Variants in SLC39A12 observed in about 807,000 individuals in gnomAD.
SLC39A12 encodes zinc transporter ZIP12.
SLC39A12 carries 63 observed loss-of-function variants against 71.1 expected under a neutral mutation model. That is an observed-to-expected ratio of 0.89 (90% CI 0.72 to 1.09). The LOEUF is 1.09. Among genes scored for constraint, SLC39A12 ranks in the 50% least tolerant of loss-of-function variants. The pLI, the probability that SLC39A12 is intolerant of heterozygous loss-of-function variation, is 0.00. For missense variants in SLC39A12, 892 were observed against 812.6 expected, an observed-to-expected ratio of 1.10 and a Z score of -1.19; for synonymous variants, 351 against 301.3, an observed-to-expected ratio of 1.16 and a Z score of -1.71.
At chr10:17,966,192 A>T (rs960289226) in intron 4 of SLC39A12, among the ~76,000 whole-genome samples, 1 of 152,186 alleles carries the variant, frequency 6.6e-6, no homozygotes, top group African/African-American at 2.4e-5. Flanking sequence ...ATGAAATAGG[A>T]TGTCAGAACT....
intron 12 of SLC39A12, among the ~76,000 whole-genome samples, chr10:18,036,880 A>C (rs1453738532): frequency 6.8e-6 from 1 of 147,226 alleles, no homozygotes; most frequent in Non-Finnish European, 1.5e-5. Flanking sequence ...TCCGCCTCCC[A>C]GGTTTAAACG....
intron 4 of SLC39A12, among the ~76,000 whole-genome samples, chr10:17,967,010 A>T (rs1367159526): frequency 6.6e-6 from 1 of 152,168 alleles, no homozygotes; most frequent in Admixed American, 6.5e-5. Flanking sequence ...ATGTTTTCAT[A>T]ATTTAAAAAA....
At chr10:18,013,813 T>A (rs1421438833) in intron 12 of SLC39A12, among the ~76,000 whole-genome samples, 1 of 152,220 alleles carries the variant, frequency 6.6e-6, no homozygotes, top group Non-Finnish European at 1.5e-5. Flanking sequence ...CTCCATTCTC[T>A]TCTCTTGGTC....
At chr10:17,958,880 C>T (rs1352403346) in intron 2 of SLC39A12, among the ~76,000 whole-genome samples, 3 of 152,002 alleles carry the variant, frequency 2.0e-5, no homozygotes, top group Non-Finnish European at 4.4e-5. Context: ...ATTACATAGG[C>T]TGGAGACATT....
chr10:18,000,366 G>A (rs1338862743), intron 10 of SLC39A12, among the ~76,000 whole-genome samples: 2 of 152,166 alleles, frequency 1.3e-5, no homozygotes, highest in Non-Finnish European at 2.9e-5. Context: ...ACTTGGGGAG[G>A]CTATAACATG....
chr10:18,029,248 A>G (rs1055092575), intron 12 of SLC39A12, among the ~76,000 whole-genome samples: 1 of 152,192 alleles, frequency 6.6e-6, no homozygotes, highest in Non-Finnish European at 1.5e-5. Context: ...GCAGTTTTCA[A>G]TTAGGTAACA....
intron 12 of SLC39A12, among the ~76,000 whole-genome samples, chr10:18,040,786 A>AAAAAG (rs1837202929): frequency 6.6e-6 from 1 of 151,402 alleles, no homozygotes. Flanking sequence ...AAAAAAAAAA[A>AAAAAG]GTGTCAAGCC....
chr10:17,967,384 G>T (rs770583771), intron 4 of SLC39A12, among the ~76,000 whole-genome samples: 5 of 152,024 alleles, frequency 3.3e-5, no homozygotes, highest in Non-Finnish European at 5.9e-5. Flanking sequence ...TAATTATTTA[G>T]GGCTTATAAA....
At chr10:18,032,568 C>G (rs1836879794) in intron 12 of SLC39A12, among the ~76,000 whole-genome samples, 1 of 146,714 alleles carries the variant, frequency 6.8e-6, no homozygotes, top group Admixed American at 6.8e-5. Context: ...ATGGGGTTTT[C>G]TAGATATACA....
intron 8 of SLC39A12, among the ~76,000 whole-genome samples, chr10:17,992,464 G>A (rs550461871): frequency 2.1e-4 from 32 of 152,282 alleles, no homozygotes; most frequent in African/African-American, 7.5e-4. Flanking sequence ...TGGTAATTTG[G>A]AAATTAGGAA....
intron 9 of SLC39A12, among the ~76,000 whole-genome samples, chr10:17,994,030 G>T (rs1184983410): frequency 1.3e-5 from 2 of 152,184 alleles, no homozygotes; most frequent in Non-Finnish European, 2.9e-5. Context: ...TTTGGGAGTA[G>T]ATTTCAGATC....
intron 12 of SLC39A12, among the ~76,000 whole-genome samples, chr10:18,025,000 A>G (rs1836635161): frequency 6.6e-6 from 1 of 152,172 alleles, no homozygotes; most frequent in Non-Finnish European, 1.5e-5. Flanking sequence ...TTTCTTGTAG[A>G]TGGCAAGTAG....
chr10:17,961,515 T>C (rs1834687687), intron 2 of SLC39A12, 66 bp from the exon 3 acceptor site: 1 of 1,464,238 alleles, frequency 6.8e-7, no homozygotes, highest in Admixed American at 2.1e-5. Context: ...CTGGTGGTCA[T>C]TAGTGTTCTG....
Position 18,043,005 on chromosome 10 carries a change from T to A in SLC39A12, c.*172T>A. On this transcript the variant is annotated 3_prime_UTR_variant, in exon 13 of 13. Transcript: ENST00000377369. ...ATGCAGTTTTATTTTTGGAAACATA[T>A]AAATATCAGACTGTCCTTAATTGAA... The A allele has an allele frequency of 2.2e-6, 1 of 446,782 alleles. No individual in the cohort carries two copies. The highest frequency in any genetic ancestry group is 3.6e-6 in the Non-Finnish European group (1 of 279,344). The allele number at this position is 446,782 out of a possible 1,614,324, so 27.7% of individuals were successfully genotyped here.
chr10:17,961,750 T>C lies in SLC39A12; in HGVS notation c.431T>C (p.Leu144Pro). 1 of 1,614,120 alleles carries C rather than the reference T, an allele frequency of 6.2e-7. No homozygotes were observed. Among genetic ancestry groups the C allele is most frequent in the Non-Finnish European group, 8.5e-7 (1 of 1,179,964 alleles). ...NMSNKEYKFYLHSLLSLRQDE... is the reference protein window; with the variant it reads ...NMSNKEYKFYPHSLLSLRQDE... ...AGTAATAAAGAGTATAAATTTTACC[T>C]ACACAGCCTACTGAGCCTCAGGCAG... The change falls in exon 3 of 13, where the codon CTA becomes CCA. Residue 144 changes from leucine (L) to proline (P), a missense_variant. Coordinates refer to ENST00000377369, the MANE Select transcript of SLC39A12 (RefSeq NM_001145195.2).
chr10:18,017,508 C>T (rs1836419018), intron 12 of SLC39A12, among the ~76,000 whole-genome samples: 1 of 152,110 alleles, frequency 6.6e-6, no homozygotes, highest in Non-Finnish European at 1.5e-5. Context: ...GGGGTTTCAC[C>T]ATGTTAGCCA....
chr10:17,961,083 T>C (rs1834676711), intron 2 of SLC39A12, among the ~76,000 whole-genome samples: 2 of 152,068 alleles, frequency 1.3e-5, no homozygotes, highest in African/African-American at 2.4e-5. Context: ...AGGGTGACAA[T>C]TTAGGCTGAA....
intron 4 of SLC39A12, among the ~76,000 whole-genome samples, chr10:17,969,673 T>C (rs1001815739): frequency 1.3e-5 from 2 of 152,210 alleles, no homozygotes; most frequent in Non-Finnish European, 2.9e-5. Flanking sequence ...TTGAGCTCCT[T>C]GTATATTCTG....
At chr10:17,965,870 C>A (rs1834813487) in intron 4 of SLC39A12, among the ~76,000 whole-genome samples, 180 bp downstream of exon 4, 1 of 152,170 alleles carries the variant, frequency 6.6e-6, no homozygotes, top group Non-Finnish European at 1.5e-5. Context: ...GCTATGAAAG[C>A]TATGCGGTGA....
Sources: allele counts gnomAD v4.1 joint callset (sites outside exome capture counted in the v4.1 genomes callset), GRCh38; gene constraint gnomAD v4.1.1; transcripts MANE v1.5; gene names NCBI Gene and HGNC (gene_info 2026-07-23, HGNC 2026-07-21).